The following FKBP5 variants were observed in gnomAD, a reference collection of about 807,000 sequenced individuals.
The protein encoded by FKBP5 is FKBP prolyl isomerase 5, also known as peptidyl-prolyl cis-trans isomerase FKBP5.
Under a neutral mutation model 50.5 loss-of-function variants are expected in FKBP5, and 23 were observed. That is an observed-to-expected ratio of 0.46 (90% CI 0.33 to 0.65). The LOEUF (loss-of-function observed/expected upper bound fraction) is 0.65. Ranked by LOEUF, FKBP5 falls within the 30% of genes least tolerant of loss-of-function variation. The pLI, the probability that FKBP5 is intolerant of heterozygous loss-of-function variation, is 0.02. For missense variants in FKBP5, 411 were observed against 553.1 expected (o/e 0.74, Z 2.58); for synonymous variants, 176 against 190.6 (o/e 0.92, Z 0.63).
intron 6 of FKBP5, among the ~76,000 whole-genome samples, chr6:35,595,504 A>C (rs1340915809): frequency 6.6e-6 from 1 of 152,152 alleles, no homozygotes; most frequent in East Asian, 1.9e-4. Context: ...CAATCCCAGC[A>C]CTTTGGGAGG....
chr6:35,664,773 G>A (rs1765168680), intron 1 of FKBP5: 1 of 154,114 alleles, frequency 6.5e-6, no homozygotes, highest in African/African-American at 2.4e-5. Flanking sequence ...AATAGAGGTA[G>A]TAGCTGAAAT....
At chr6:35,629,067 C>G (rs1321266419) in intron 3 of FKBP5, among the ~76,000 whole-genome samples, 1 of 151,812 alleles carries the variant, frequency 6.6e-6, no homozygotes, top group Non-Finnish European at 1.5e-5. Context: ...CATCCCTACT[C>G]CCTACCAATA....
chr6:35,705,097 C>T (rs770340241), intron 2 of FKBP5, among the ~76,000 whole-genome samples: 117 of 150,226 alleles, frequency 7.8e-4, no homozygotes, highest in Non-Finnish European at 1.1e-3. Context: ...GCTGACATCG[C>T]GCCACTGCAC....
In FKBP5 at chr6:35,575,808, T is replaced by C; in HGVS notation, c.*27A>G. ...CCCATTGAGGAGGGGCCGAGTTCAC[T>C]GGGACTCTTCCCTCCTTGGCGTGGC... is the stretch of plus-strand genomic sequence containing the variant. On this transcript the variant is annotated 3_prime_UTR_variant, in exon 11 of 11. Coordinates refer to ENST00000357266, the MANE Select transcript of FKBP5 (RefSeq NM_004117.4). 1.4e-6 allele frequency: 2 copies of C among 1,476,180 alleles called. No individual in the cohort carries two copies. The highest frequency in any genetic ancestry group is 9.5e-7 in the Non-Finnish European group (1 of 1,053,982). The allele number at this position is 1,476,180 out of a possible 1,614,324, so 91.4% of individuals were successfully genotyped here. A position where few individuals can be genotyped will look rare whatever the true frequency, so the allele number is the denominator to read the frequency against.
At position 35,585,244 on chromosome 6, in the gene FKBP5, T is replaced by C. The variant is rs1211163443; in HGVS notation, c.840+1790A>G. The C allele has an allele frequency of 5.1e-6, 5 of 979,094 alleles. No individual in the cohort carries two copies. In the East Asian group the frequency reaches 5.7e-4, roughly 112 times the overall value. 60.7% of individuals were successfully genotyped at this position (979,094 alleles called of 1,614,324 possible). Reference sequence around the variant, plus strand: ...TGGACTTCGGAAATATAGAAAATACTGTTAAGGACTCACGATCTTAAGAAA... The same window carrying C: ...TGGACTTCGGAAATATAGAAAATACCGTTAAGGACTCACGATCTTAAGAAA... On this transcript the variant is annotated intron_variant, in intron 8 of 10. Transcript: ENST00000357266.
intron 1 of FKBP5, among the ~76,000 whole-genome samples, chr6:35,686,886 T>C (rs1408448975): frequency 6.6e-6 from 1 of 152,172 alleles, no homozygotes; most frequent in Non-Finnish European, 1.5e-5. Context: ...AAAATTCCCA[T>C]AACTAAAAGA....
intron 8 of FKBP5, chr6:35,584,172 G>C: frequency 1.0e-6 from 1 of 985,378 alleles, no homozygotes. Flanking sequence ...ACAATGCCTG[G>C]CTTAATATTA....
chr6:35,708,456 T>G (rs1766360177), intron 2 of FKBP5, among the ~76,000 whole-genome samples: 1 of 152,186 alleles, frequency 6.6e-6, no homozygotes, highest in Non-Finnish European at 1.5e-5. Context: ...TTCACCATGT[T>G]GGCCAGGCTG....
intron 5 of FKBP5, among the ~76,000 whole-genome samples, chr6:35,614,261 C>T (rs1354473918): frequency 1.3e-5 from 2 of 151,968 alleles, no homozygotes. Flanking sequence ...GAAGAAAAAC[C>T]AGGATCTAAT....
At chr6:35,584,413 G>A (rs1762537948) in intron 8 of FKBP5, 1 of 985,300 alleles carries the variant, frequency 1.0e-6, no homozygotes, top group African/African-American at 1.7e-5. Flanking sequence ...CAGATGGCAT[G>A]AAATACAGAT....
chr6:35,709,408 G>C (rs1766377518), intron 2 of FKBP5, among the ~76,000 whole-genome samples: 1 of 152,174 alleles, frequency 6.6e-6, no homozygotes, highest in South Asian at 2.1e-4. Flanking sequence ...AATGCATACA[G>C]TATGATACTA....
intron 5 of FKBP5, among the ~76,000 whole-genome samples, chr6:35,612,796 G>GC (rs916203388): frequency 7.2e-5 from 11 of 151,980 alleles, no homozygotes; most frequent in South Asian, 6.2e-4. Flanking sequence ...GGGAGAAAAT[G>GC]CCCCCCCGAT....
At chr6:35,718,672 C>G (rs1463169456) in intron 2 of FKBP5, among the ~76,000 whole-genome samples, 2 of 152,328 alleles carry the variant, frequency 1.3e-5, no homozygotes, top group East Asian at 3.9e-4. Flanking sequence ...CTATCCTCAG[C>G]ACCTAGCAGA....
intron 2 of FKBP5, among the ~76,000 whole-genome samples, chr6:35,716,260 G>A (rs369058967): frequency 2.6e-5 from 4 of 152,106 alleles, no homozygotes; most frequent in South Asian, 2.1e-4. Flanking sequence ...ATAGTCCTAG[G>A]TACTCAAGAG....
chr6:35,692,924 T>C (rs140576483), upstream of FKBP5, among the ~76,000 whole-genome samples: 914 of 152,068 alleles, frequency 6.0e-3, 7 homozygotes, highest in Non-Finnish European at 9.7e-3. Context: ...ATACGATTTC[T>C]GTCCTTTTTC....
chr6:35,643,816 G>C (rs577025683), intron 1 of FKBP5, among the ~76,000 whole-genome samples: 1 of 152,278 alleles, frequency 6.6e-6, no homozygotes, highest in African/African-American at 2.4e-5. Flanking sequence ...TTGTCTGTAA[G>C]AGATTCATAA....
chr6:35,576,217 C>T (rs979094314), intron 10 of FKBP5, among the ~76,000 whole-genome samples: 1 of 151,982 alleles, frequency 6.6e-6, no homozygotes, highest in African/African-American at 2.4e-5. Flanking sequence ...GTAGGGAGGC[C>T]GCCCTCTCTG....
intron 2 of FKBP5, among the ~76,000 whole-genome samples, chr6:35,638,885 C>T (rs966171091): frequency 1.1e-4 from 16 of 152,258 alleles, no homozygotes; most frequent in African/African-American, 2.9e-4. Context: ...GTAAGCCTCA[C>T]GTGGAAGGAA....
intron 5 of FKBP5, among the ~76,000 whole-genome samples, chr6:35,612,529 T>A (rs995539212): frequency 6.6e-6 from 1 of 152,100 alleles, no homozygotes; most frequent in Non-Finnish European, 1.5e-5. Flanking sequence ...TTTGTAACTG[T>A]TTGTATTAGT....
Sources: allele counts gnomAD v4.1 joint callset (sites outside exome capture counted in the v4.1 genomes callset), GRCh38; gene constraint gnomAD v4.1.1; transcripts MANE v1.5; gene names NCBI Gene and HGNC (gene_info 2026-07-23, HGNC 2026-07-21).